SNTG1: variants seen among roughly 807,000 people sequenced by gnomAD.
The protein encoded by SNTG1 is gamma-1-syntrophin.
Under a neutral mutation model 74.7 loss-of-function variants are expected in SNTG1, and 39 were observed. The observed-to-expected ratio is 0.52, with a 90% CI of 0.40 to 0.68. The LOEUF (loss-of-function observed/expected upper bound fraction) is 0.68, where lower values mean the gene tolerates loss of function less well. Ranked by LOEUF, SNTG1 falls within the 30% of genes least tolerant of loss-of-function variation. SNTG1 has a pLI of 0.00. For missense variants in SNTG1, 685 were observed against 609.5 expected, an observed-to-expected ratio of 1.12 and a Z score of -1.30; for synonymous variants, 254 against 217.1, an observed-to-expected ratio of 1.17 and a Z score of -1.49.
chr8:50,694,990 G>T (rs1350642935), intron 15 of SNTG1, among the ~76,000 whole-genome samples: 1 of 151,512 alleles, frequency 6.6e-6, no homozygotes, highest in Non-Finnish European at 1.5e-5. Flanking sequence ...TCTCAACAAG[G>T]AAAAGTTAAA....
chr8:50,190,038 A>C (rs2083511044), intron 2 of SNTG1, among the ~76,000 whole-genome samples: 1 of 152,126 alleles, frequency 6.6e-6, no homozygotes, highest in African/African-American at 2.4e-5. Context: ...ATTACTCATA[A>C]GTCATTTGGT....
chr8:50,075,424 C>T (rs1276797445), intron 1 of SNTG1, among the ~76,000 whole-genome samples: 1 of 152,222 alleles, frequency 6.6e-6, no homozygotes, highest in Non-Finnish European at 1.5e-5. Flanking sequence ...CACCAATCAG[C>T]ACTCTGTGTC....
At chr8:50,378,024 C>T (rs902558788) in intron 2 of SNTG1, among the ~76,000 whole-genome samples, 1 of 152,332 alleles carries the variant, frequency 6.6e-6, no homozygotes, top group East Asian at 1.9e-4. Context: ...CCACTGGGCT[C>T]GTTCCGCCCA....
chr8:50,163,414 AG>A, intron 1 of SNTG1: 1 of 149,310 alleles, frequency 6.7e-6, no homozygotes, highest in South Asian at 2.1e-4. Context: ...TATAATTCCA[AG>A]TTTTTTTTTT....
intron 2 of SNTG1, among the ~76,000 whole-genome samples, chr8:50,340,483 A>G (rs1361306377): frequency 1.3e-5 from 2 of 152,046 alleles, no homozygotes; most frequent in African/African-American, 4.8e-5. Flanking sequence ...TAATCTTTTC[A>G]GCAAGTAGTG....
intron 10 of SNTG1, among the ~76,000 whole-genome samples, chr8:50,533,516 G>C (rs935214276): frequency 2.0e-5 from 3 of 152,050 alleles, no homozygotes; most frequent in Non-Finnish European, 4.4e-5. Context: ...GTTCTCAAAA[G>C]CACAAAAGTG....
intron 1 of SNTG1, among the ~76,000 whole-genome samples, chr8:50,144,703 C>T (rs933906619): frequency 2.0e-5 from 3 of 152,000 alleles, no homozygotes; most frequent in African/African-American, 4.8e-5. Context: ...GAGTGGCAGG[C>T]GACTGAGTGG....
intron 2 of SNTG1, among the ~76,000 whole-genome samples, chr8:50,337,761 T>C (rs2091190895): frequency 1.3e-5 from 2 of 152,222 alleles, no homozygotes; most frequent in Non-Finnish European, 2.9e-5. Context: ...CTTTCTCACA[T>C]TTTATCCCAC....
In SNTG1 at chr8:50,621,360, T is replaced by C. The variant is rs529433856; in HGVS notation, c.849+30443T>C. 2.6e-5 allele frequency among the ~76,000 whole-genome samples: 4 copies of C among 152,276 alleles called. No homozygotes were observed. The East Asian group carries it at 7.7e-4, about 29-fold the overall frequency. ...TTACAAGCACAAAGTAGGTGATTCA[T>C]GAAGTAACATCACAAGTCCTCCAAC... is the stretch of plus-strand genomic sequence containing the variant. On this transcript the variant is annotated intron_variant, in intron 13 of 18. Coordinates refer to ENST00000642720, the MANE Select transcript of SNTG1 (RefSeq NM_018967.5).
At chr8:50,225,480 C>T (rs1318307625) in intron 2 of SNTG1, among the ~76,000 whole-genome samples, 1 of 152,150 alleles carries the variant, frequency 6.6e-6, no homozygotes, top group African/African-American at 2.4e-5. Flanking sequence ...CTTGAGTTGT[C>T]CCCTGCCTTT....
At chr8:50,246,867 A>G (rs4448284) in intron 2 of SNTG1, among the ~76,000 whole-genome samples, 85,968 of 152,104 alleles carry the variant, frequency 0.57, 28,005 homozygotes, top group East Asian at 0.83. Context: ...CTTTTTAGCC[A>G]TTGCTTCAAT....
At chr8:50,244,487 A>G (rs2086303501) in intron 2 of SNTG1, among the ~76,000 whole-genome samples, 1 of 152,180 alleles carries the variant, frequency 6.6e-6, no homozygotes, top group Admixed American at 6.5e-5. Context: ...ACAAGTCATG[A>G]GCTTCAAAAC....
At chr8:49,941,814 G>A (rs1808717951) in intron 1 of SNTG1, among the ~76,000 whole-genome samples, 1 of 152,180 alleles carries the variant, frequency 6.6e-6, no homozygotes, top group African/African-American at 2.4e-5. Flanking sequence ...AATCTGTCTA[G>A]AAGGATATAA....
chr8:50,506,566 G>A (rs2094008366), intron 9 of SNTG1, among the ~76,000 whole-genome samples: 1 of 151,906 alleles, frequency 6.6e-6, no homozygotes, highest in African/African-American at 2.4e-5. Context: ...AATTTTGGGT[G>A]AGATTATTCC....
chr8:50,456,171 A>T (rs1448756271), intron 8 of SNTG1, among the ~76,000 whole-genome samples: 1 of 152,190 alleles, frequency 6.6e-6, no homozygotes, highest in Non-Finnish European at 1.5e-5. Context: ...CCCCTGTATA[A>T]GCTATACATC....
chr8:50,062,601 A>T (rs1315337897), intron 1 of SNTG1, among the ~76,000 whole-genome samples: 1 of 152,088 alleles, frequency 6.6e-6, no homozygotes, highest in Non-Finnish European at 1.5e-5. Context: ...CAAGCTAAAT[A>T]TTTTTTATTT....
intron 8 of SNTG1, among the ~76,000 whole-genome samples, chr8:50,481,714 G>C (rs1334804123): frequency 6.6e-6 from 1 of 152,098 alleles, no homozygotes; most frequent in African/African-American, 2.4e-5. Flanking sequence ...TCAATAATTG[G>C]AATAAAGTTA....
At position 50,009,870 on chromosome 8, in the gene SNTG1, A is replaced by C. The variant is rs72639832; in HGVS notation, c.-103+97639A>C. Reference sequence around the variant, plus strand: ...GAAAATTCTCTGGGCACGGTGATGCATGCCTGTAGCCCCAGCTACTCAGGA... The same window carrying C: ...GAAAATTCTCTGGGCACGGTGATGCCTGCCTGTAGCCCCAGCTACTCAGGA... On this transcript the variant is annotated intron_variant, in intron 1 of 18. Transcript: ENST00000642720. Among the ~76,000 whole-genome samples the C allele has an allele frequency of 3.6e-3, 551 of 152,198 alleles. 1 individual carries two copies. Among genetic ancestry groups the C allele is most frequent in the Non-Finnish European group, 5.7e-3 (387 of 68,008 alleles).
rs185277766 is a variant in SNTG1, at chr8:50,535,828, C to A, written c.550-850C>A. Among the ~76,000 whole-genome samples the A allele has an allele frequency of 7.3e-3, 1,107 of 152,204 alleles. 3 individuals carry two copies. The highest frequency in any genetic ancestry group is 0.012 in the South Asian group (58 of 4,822). On this transcript the variant is annotated intron_variant, in intron 10 of 18. Coordinates refer to ENST00000642720, the MANE Select transcript of SNTG1 (RefSeq NM_018967.5). ...AGAATCTTCTTCCAACACTATCACT[C>A]AAAAATTAGTGAATAAAGGGAAGTC...
Sources: allele counts gnomAD v4.1 joint callset (sites outside exome capture counted in the v4.1 genomes callset), GRCh38; gene constraint gnomAD v4.1.1; transcripts MANE v1.5; gene names NCBI Gene and HGNC (gene_info 2026-07-23, HGNC 2026-07-21).